Variants in COL27A1 observed in about 807,000 individuals in gnomAD.
COL27A1 encodes the protein collagen alpha-1(XXVII) chain.
COL27A1 carries 106 observed loss-of-function variants against 251.3 expected under a neutral mutation model. That is an observed-to-expected ratio of 0.42 (90% CI 0.36 to 0.50). The LOEUF (loss-of-function observed/expected upper bound fraction) is 0.50. Ranked by LOEUF, COL27A1 falls within the 20% of genes least tolerant of loss-of-function variation. The pLI is 0.00. For missense variants in COL27A1, 2,325 were observed against 2,522.8 expected (o/e 0.92, Z 1.68); for synonymous variants, 1,000 against 986.3 (o/e 1.01, Z -0.26).
At position 114,307,719 on chromosome 9, in the gene COL27A1, G is replaced by A; in HGVS notation, c.5158G>A (p.Val1720Ile). Residue 1720 changes from valine (V) to isoleucine (I), a missense_variant, in exon 59 of 61, where the codon GTC becomes ATC. Around this residue, in one of 4 missense-constraint regions of COL27A1, gnomAD observed 327 missense variants for 442.8 expected, o/e 0.74. Coordinates refer to ENST00000356083, the MANE Select transcript of COL27A1 (RefSeq NM_032888.4). ...TGGCTGCTCCTCTGACACCATCGAG[G>A]TCTCCTGCAACTTCACTCATGGTGG... ...NLGCSSDTIE[V>I]SCNFTHGGQT... The A allele has an allele frequency of 6.2e-7, 1 of 1,614,150 alleles. No individual in the cohort carries two copies. The highest frequency in any genetic ancestry group is 8.5e-7 in the Non-Finnish European group (1 of 1,180,016).
At chr9:114,202,551 C>A (rs1040256426) in intron 7 of COL27A1, among the ~76,000 whole-genome samples, 1 of 152,174 alleles carries the variant, frequency 6.6e-6, no homozygotes, top group Admixed American at 6.5e-5. Flanking sequence ...CATCATGTCG[C>A]GCTACCTCCC....
At chr9:114,225,022 T>C (rs1234621840) in intron 14 of COL27A1, among the ~76,000 whole-genome samples, 1 of 152,232 alleles carries the variant, frequency 6.6e-6, no homozygotes, top group Non-Finnish European at 1.5e-5. Flanking sequence ...TAGTTAAATT[T>C]GAATGTCAGA....
At chr9:114,269,148 C>A (rs1834949149) in intron 34 of COL27A1, 93 bp from the exon 35 acceptor site, 2 of 810,946 alleles carry the variant, frequency 2.5e-6, no homozygotes, top group East Asian at 3.0e-5. Flanking sequence ...TCCTCCCACA[C>A]CCCAAAGTCA....
chr9:114,222,575 C>T (rs1831196020), intron 14 of COL27A1, among the ~76,000 whole-genome samples: 1 of 152,184 alleles, frequency 6.6e-6, no homozygotes, highest in Non-Finnish European at 1.5e-5. Context: ...ACAAGATTGC[C>T]AAAGCCCTTT....
In COL27A1 at chr9:114,311,236, T is replaced by C; in HGVS notation, c.*541T>C. 6.6e-6 allele frequency: 1 copy of C among 151,786 alleles called. No individual in the cohort carries two copies. Among genetic ancestry groups the C allele is most frequent in the Non-Finnish European group, 1.5e-5 (1 of 67,986 alleles). The allele number at this position is 151,786 out of a possible 1,614,324, so 9.4% of individuals were successfully genotyped here. The stretch of plus-strand genomic sequence containing the variant: ...GAGGATGGGAAGGAGCAGCCAGGCG[T>C]GGGAAGCGGCGAGATCCTCGGGCTG... On this transcript the variant is annotated 3_prime_UTR_variant, in exon 61 of 61. Transcript: ENST00000356083.
intron 17 of COL27A1, among the ~76,000 whole-genome samples, chr9:114,236,426 G>C (rs78712509): frequency 0.012 from 1,765 of 152,286 alleles, 47 homozygotes; most frequent in African/African-American, 0.039. Context: ...ATGACATATT[G>C]ACTATGGGAT....
rs1348597490 is a variant in COL27A1 at position 114,205,750 on chromosome 9, C to G, written c.2170-9C>G. On this transcript the variant is annotated splice_polypyrimidine_tract_variant and intron_variant, in intron 8 of 60. Transcript: ENST00000356083. ...TCTTTTCCTTATGTTTCTCTCTGTTCCTTTGCAGGGGCAGCCAGGACCTGA... is the reference window on the plus strand; with the variant it reads ...TCTTTTCCTTATGTTTCTCTCTGTTGCTTTGCAGGGGCAGCCAGGACCTGA... 6.2e-7 allele frequency: 1 copy of G among 1,613,794 alleles called. No homozygotes were observed. The highest frequency in any genetic ancestry group is 2.2e-5 in the East Asian group (1 of 44,876).
chr9:114,202,139 C>T (rs1285610772), intron 7 of COL27A1, among the ~76,000 whole-genome samples: 2 of 152,228 alleles, frequency 1.3e-5, no homozygotes, highest in African/African-American at 4.8e-5. Flanking sequence ...CATTCACTTC[C>T]ATTTAGCTGC....
At chr9:114,271,070 C>T (rs563743971) in intron 36 of COL27A1, 7 of 435,136 alleles carry the variant, frequency 1.6e-5, no homozygotes, top group Non-Finnish European at 2.0e-5. Context: ...GATTCCTGAG[C>T]ACCGGCACTA....
In COL27A1 at chr9:114,290,768, C is replaced by G. The variant is rs371943942; in HGVS notation, c.4369-42C>G. The G allele has an allele frequency of 2.8e-6, 4 of 1,439,796 alleles. No homozygotes were observed. Among genetic ancestry groups the G allele is most frequent in the Admixed American group, 4.5e-5 (2 of 44,192 alleles). 89.2% of individuals were successfully genotyped at this position (1,439,796 alleles called of 1,614,324 possible). Reference sequence around the variant, plus strand: ...GAGCCATCTGCTTCCTTGGCTGTATCGTGAAACACAAGAGACCCTCCTCTG... The same window carrying G: ...GAGCCATCTGCTTCCTTGGCTGTATGGTGAAACACAAGAGACCCTCCTCTG... On this transcript the variant is annotated intron_variant, in intron 47 of 60. Transcript: ENST00000356083. This position sits in a 1 kb window ranked among gnomAD's most constrained non-coding sequence, Gnocchi z 4.6.
intron 1 of COL27A1, among the ~76,000 whole-genome samples, chr9:114,159,946 C>T (rs780529561): frequency 1.3e-5 from 2 of 152,218 alleles, no homozygotes; most frequent in Non-Finnish European, 1.5e-5. Flanking sequence ...CTGCCCTTCT[C>T]CCCAGGCAAC....
In COL27A1 at chr9:114,290,900, G is replaced by C. The variant is rs1231713325; in HGVS notation, c.4459G>C (p.Gly1487Arg). The change falls in exon 48 of 61, where the codon GGA becomes CGA. Residue 1487 changes from glycine (G) to arginine (R), a missense_variant. Transcript: ENST00000356083. This position sits in a 1 kb window ranked among gnomAD's most constrained non-coding sequence, Gnocchi z 4.6. ...PGVAGLPGAQ[G>R]PPGFKGESGL... is the part of the protein sequence containing the mutation. ...TGTGGCCGGCTTACCTGGAGCACAG[G>C]GACCCCCAGGATTCAAGGTCAGATA... The C allele has an allele frequency of 6.4e-7, 1 of 1,551,246 alleles. No individual in the cohort carries two copies. Among genetic ancestry groups the C allele is most frequent in the East Asian group, 2.4e-5 (1 of 40,954 alleles).
chr9:114,309,290 A>T lies in COL27A1; in HGVS notation c.5248A>T (p.Asn1750Tyr), dbSNP rs760145162. ...VEFAISRVQM[N>Y]FLHLLSSEVT... is the part of the protein sequence containing the mutation. ...GTTTGCCATCAGCCGGGTCCAGATGAATTTCCTGCACCTGCTAAGCTCCGA... is the reference window on the plus strand; with the variant it reads ...GTTTGCCATCAGCCGGGTCCAGATGTATTTCCTGCACCTGCTAAGCTCCGA... The change falls in exon 60 of 61, where the codon AAT becomes TAT. Residue 1750 changes from asparagine (N) to tyrosine (Y), a missense_variant. By Grantham distance (143) the Asn-to-Tyr change is moderately radical. Around this residue, in one of 4 missense-constraint regions of COL27A1, gnomAD observed 327 missense variants for 442.8 expected, o/e 0.74. Transcript: ENST00000356083. The T allele has an allele frequency of 2.1e-5, 34 of 1,614,126 alleles. No homozygotes were observed. Among genetic ancestry groups the T allele is most frequent in the Non-Finnish European group, 2.9e-5 (34 of 1,180,026 alleles).
At chr9:114,188,090 G>T (rs564742234) in intron 5 of COL27A1, among the ~76,000 whole-genome samples, 2 of 152,330 alleles carry the variant, frequency 1.3e-5, no homozygotes, top group East Asian at 3.9e-4. Flanking sequence ...CTTTATTGAT[G>T]TGGCAGTACA....
intron 37 of COL27A1, among the ~76,000 whole-genome samples, chr9:114,276,191 G>A (rs1468394070): frequency 6.6e-6 from 1 of 152,192 alleles, no homozygotes; most frequent in Non-Finnish European, 1.5e-5. Context: ...GACATCACCT[G>A]CTCCAAAAAG....
chr9:114,299,999 G>A (rs1828504646), intron 49 of COL27A1, 71 bp from the exon 50 acceptor site: 1 of 1,471,652 alleles, frequency 6.8e-7, no homozygotes, highest in African/African-American at 1.4e-5. Context: ...CAGGCCCTGA[G>A]GTCCCAGGTG....
intron 5 of COL27A1, among the ~76,000 whole-genome samples, chr9:114,193,409 C>T (rs1041680487): frequency 3.3e-5 from 5 of 152,248 alleles, no homozygotes; most frequent in African/African-American, 9.6e-5. Flanking sequence ...ATGCTAGGCA[C>T]AAAGAGTGCT....
intron 24 of COL27A1, among the ~76,000 whole-genome samples, chr9:114,248,463 C>A (rs1451786908): frequency 6.6e-6 from 1 of 152,218 alleles, no homozygotes; most frequent in Non-Finnish European, 1.5e-5. Context: ...AGCCTCCTCC[C>A]CAAAACTGGG....
intron 39 of COL27A1, among the ~76,000 whole-genome samples, chr9:114,283,452 G>A (rs201620575): frequency 1.3e-5 from 2 of 150,242 alleles, no homozygotes; most frequent in African/African-American, 4.8e-5. Flanking sequence ...TCACTGGCTT[G>A]TAAAAGTCCT....
Sources: allele counts gnomAD v4.1 joint callset (sites outside exome capture counted in the v4.1 genomes callset), GRCh38; gene constraint gnomAD v4.1.1; regional missense constraint gnomAD v4.1.1; non-coding constraint Gnocchi (gnomAD v3.1); transcripts MANE v1.5; gene names NCBI Gene and HGNC (gene_info 2026-07-23, HGNC 2026-07-21).